Variants in FILIP1L observed in about 807,000 individuals in gnomAD.
FILIP1L encodes the protein filamin A-interacting protein 1-like.
In FILIP1L, 55 loss-of-function variants were observed where a neutral mutation model predicts 96.6. The ratio of observed to expected loss-of-function variants is 0.57; its 90% CI spans 0.46 to 0.71. The LOEUF (loss-of-function observed/expected upper bound fraction) is 0.71. Among genes scored for constraint, FILIP1L ranks in the 30% least tolerant of loss-of-function variants. FILIP1L has a pLI of 0.00. For missense variants in FILIP1L, 1,304 were observed against 1,321.2 expected, an observed-to-expected ratio of 0.99 and a Z score of 0.20; for synonymous variants, 467 against 473.9, an observed-to-expected ratio of 0.99 and a Z score of 0.19.
chr3:99,950,042 T>C (rs1237646028), intron 1 of FILIP1L, among the ~76,000 whole-genome samples: 2 of 152,202 alleles, frequency 1.3e-5, no homozygotes, highest in Non-Finnish European at 2.9e-5. Context: ...TTTGGCTACC[T>C]GCTAAGGAGG....
At chr3:99,894,369 AGGTC>A (rs1706184004) in intron 4 of FILIP1L, among the ~76,000 whole-genome samples, 1 of 152,214 alleles carries the variant, frequency 6.6e-6, no homozygotes, top group South Asian at 2.1e-4. Context: ...GTCTGGTGCC[AGGTC>A]TGGCCAGAGG....
At chr3:99,878,131 C>CA (rs1705597883) in intron 4 of FILIP1L, among the ~76,000 whole-genome samples, 1 of 152,198 alleles carries the variant, frequency 6.6e-6, no homozygotes, top group South Asian at 2.1e-4. Context: ...TGCCTGGTTA[C>CA]ATTACTAATG....
intron 1 of FILIP1L, among the ~76,000 whole-genome samples, chr3:100,068,743 T>A (rs1224255630): frequency 1.3e-5 from 2 of 152,230 alleles, no homozygotes; most frequent in African/African-American, 4.8e-5. Flanking sequence ...TTTTCCTGCC[T>A]CAGCCTCCCA....
At chr3:100,018,429 A>C (rs1292717380) in intron 1 of FILIP1L, among the ~76,000 whole-genome samples, 1 of 152,158 alleles carries the variant, frequency 6.6e-6, no homozygotes, top group Non-Finnish European at 1.5e-5. Context: ...TTGTAGGTGC[A>C]CTGGAGTTGA....
chr3:99,912,306 G>A (rs991849390), intron 4 of FILIP1L, among the ~76,000 whole-genome samples: 5 of 152,220 alleles, frequency 3.3e-5, no homozygotes, highest in Admixed American at 3.3e-4. Flanking sequence ...AAACCATAGA[G>A]ACAGAAAGGA....
intron 1 of FILIP1L, among the ~76,000 whole-genome samples, chr3:100,003,647 G>A (rs1408926692): frequency 6.6e-6 from 1 of 151,910 alleles, no homozygotes; most frequent in Non-Finnish European, 1.5e-5. Flanking sequence ...TTGTGTACTC[G>A]AGAAGTTTTT....
At chr3:100,007,076 G>A (rs1300996717) in intron 1 of FILIP1L, among the ~76,000 whole-genome samples, 5 of 152,120 alleles carry the variant, frequency 3.3e-5, no homozygotes, top group Admixed American at 3.3e-4. Flanking sequence ...CCATCTTGTG[G>A]CCTACAGTTT....
intron 4 of FILIP1L, among the ~76,000 whole-genome samples, chr3:99,852,430 G>C (rs912493529): frequency 6.6e-6 from 1 of 151,840 alleles, no homozygotes; most frequent in African/African-American, 2.4e-5. Context: ...GGATTTGAGA[G>C]AACTTTTTAT....
intron 1 of FILIP1L, among the ~76,000 whole-genome samples, chr3:99,943,815 T>C (rs1334241012): frequency 6.6e-6 from 1 of 152,168 alleles, no homozygotes; most frequent in Non-Finnish European, 1.5e-5. Flanking sequence ...GGAAAGAGCA[T>C]AGGCTCTGGA....
chr3:99,991,934 G>GTGTATA (rs1709529811), intron 1 of FILIP1L, among the ~76,000 whole-genome samples: 1 of 144,774 alleles, frequency 6.9e-6, no homozygotes, highest in African/African-American at 2.6e-5. Context: ...ACACACATAT[G>GTGTATA]TATGTGTATA....
At chr3:100,072,286 A>G (rs2065775632) in intron 1 of FILIP1L, among the ~76,000 whole-genome samples, 1 of 152,212 alleles carries the variant, frequency 6.6e-6, no homozygotes, top group Non-Finnish European at 1.5e-5. Context: ...TAAAATTGAT[A>G]GGAGATAATT....
chr3:99,932,479 T>C (rs1707514122), intron 1 of FILIP1L, among the ~76,000 whole-genome samples: 1 of 152,240 alleles, frequency 6.6e-6, no homozygotes, highest in Admixed American at 6.5e-5. Flanking sequence ...TTACTGTTTT[T>C]GAATATTTTT....
intron 1 of FILIP1L, among the ~76,000 whole-genome samples, chr3:99,969,095 T>C (rs1708739282): frequency 6.6e-6 from 1 of 151,514 alleles, no homozygotes; most frequent in African/African-American, 2.4e-5. Flanking sequence ...GTCCTGGGAG[T>C]GCTGAAAAGG....
intron 3 of FILIP1L, among the ~76,000 whole-genome samples, chr3:99,929,511 AGAGT>A (rs1337328634): frequency 3.2e-5 from 4 of 123,944 alleles, no homozygotes; most frequent in Admixed American, 1.6e-4. Context: ...GCAAGTTCCC[AGAGT>A]GTGTGTGTGT....
At position 100,008,509 on chromosome 3, in the gene FILIP1L, G is replaced by C. The variant is rs567472618; in HGVS notation, c.-10-77479C>G. Among the ~76,000 whole-genome samples, 6 of 152,278 alleles carry C rather than the reference G, an allele frequency of 3.9e-5. No individual in the cohort carries two copies. The South Asian group carries it at 1.2e-3, about 32-fold the overall frequency. ...CAGGACTTCTAGAGATTAGAATTTAGAGGAAGTGCTGGTGATGTCAAGATG... is the reference window on the plus strand; with the variant it reads ...CAGGACTTCTAGAGATTAGAATTTACAGGAAGTGCTGGTGATGTCAAGATG... On this transcript the variant is annotated intron_variant, in intron 1 of 5. Transcript: ENST00000477258.
intron 1 of FILIP1L, among the ~76,000 whole-genome samples, chr3:99,946,229 A>G (rs751523878): frequency 6.6e-5 from 10 of 152,226 alleles, no homozygotes; most frequent in Admixed American, 2.0e-4. Flanking sequence ...AGCCCTGGAT[A>G]CTATTGTGAT....
intron 1 of FILIP1L, among the ~76,000 whole-genome samples, chr3:99,945,005 T>C (rs1386438135): frequency 6.6e-6 from 1 of 152,196 alleles, no homozygotes; most frequent in Non-Finnish European, 1.5e-5. Context: ...GGAGTTGTTA[T>C]AAAGCAGGAG....
intron 1 of FILIP1L, among the ~76,000 whole-genome samples, chr3:100,026,412 C>T (rs2064922375): frequency 6.6e-6 from 1 of 151,956 alleles, no homozygotes; most frequent in African/African-American, 2.4e-5. Context: ...CGATAGTGAA[C>T]CAAAGGGCCA....
chr3:99,966,992 G>C (rs1226727628), intron 1 of FILIP1L, among the ~76,000 whole-genome samples: 2 of 152,150 alleles, frequency 1.3e-5, no homozygotes, highest in Non-Finnish European at 2.9e-5. Context: ...ATGGCTGTTA[G>C]GTGATCATTG....
Sources: allele counts gnomAD v4.1 joint callset (sites outside exome capture counted in the v4.1 genomes callset), GRCh38; gene constraint gnomAD v4.1.1; transcripts MANE v1.5; gene names NCBI Gene and HGNC (gene_info 2026-07-23, HGNC 2026-07-21).